The following ARHGAP6 variants were observed in gnomAD, a reference collection of about 807,000 sequenced individuals.
ARHGAP6 encodes the protein rho GTPase-activating protein 6.
In ARHGAP6, 16 loss-of-function variants were observed where a neutral mutation model predicts 55.7. The observed-to-expected ratio is 0.29, with a 90% confidence interval of 0.19 to 0.44. The LOEUF is 0.44. Among genes scored for constraint, ARHGAP6 ranks in the 20% least tolerant of loss-of-function variants. The pLI, the probability that ARHGAP6 is intolerant of heterozygous loss-of-function variation, is 1.00. For synonymous variants in ARHGAP6, 382 were observed against 360.9 expected, an observed-to-expected ratio of 1.06 and a Z score of -0.66; for missense variants, 698 against 808.9, an observed-to-expected ratio of 0.86 and a Z score of 1.66.
intron 8 of ARHGAP6, among the ~76,000 whole-genome samples, chrX:11,171,685 G>A (rs970650764): frequency 2.7e-5 from 3 of 111,778 alleles, no homozygotes; most frequent in Admixed American, 1.9e-4. Context: ...TCAGGTGAAC[G>A]GGAGAGTCTG....
intron 9 of ARHGAP6, among the ~76,000 whole-genome samples, chrX:11,162,496 T>A (rs781619271): frequency 9.0e-6 from 1 of 111,396 alleles, no homozygotes; most frequent in African/African-American, 3.3e-5. Flanking sequence ...AGGTCTTACC[T>A]GCACTTCTAT....
chrX:11,147,016 C>T (rs73496338), intron 10 of ARHGAP6, among the ~76,000 whole-genome samples: 1 of 111,431 alleles, frequency 9.0e-6, no homozygotes, highest in Admixed American at 9.5e-5. Context: ...TCAGAACTCT[C>T]ATAACAACAT....
chrX:11,346,072 A>T (rs1348553262), intron 1 of ARHGAP6, among the ~76,000 whole-genome samples: 2 of 110,550 alleles, frequency 1.8e-5, no homozygotes, highest in Admixed American at 1.9e-4. Context: ...AGTAGCTGGG[A>T]TTACAGGCGT....
At position 11,338,186 on chromosome X, in the gene ARHGAP6, G is replaced by A. The variant is rs150613414; in HGVS notation, c.589-83479C>T. 7.8e-4 allele frequency among the ~76,000 whole-genome samples: 87 copies of A among 111,153 alleles called. 1 individual carries two copies. The East Asian group carries it at 0.024, about 31-fold the overall frequency. ...CAAATGTCAACATGAGATTTGATGG[G>A]GACAAACAAACCATGTCCAAACCAC... On this transcript the variant is annotated intron_variant, in intron 1 of 12. Transcript: ENST00000337414.
At chrX:11,181,669 A>G (rs2147335229) in intron 6 of ARHGAP6, among the ~76,000 whole-genome samples, 1 of 112,821 alleles carries the variant, frequency 8.9e-6, no homozygotes, top group Non-Finnish European at 1.9e-5. Context: ...CTATAAACAT[A>G]GCATCTTATG....
intron 3 of ARHGAP6, among the ~76,000 whole-genome samples, chrX:11,196,194 T>G (rs1195930343): frequency 9.2e-6 from 1 of 108,807 alleles, no homozygotes; most frequent in Non-Finnish European, 1.9e-5. Context: ...TAATAGCCAC[T>G]GACTATTCCC....
intron 1 of ARHGAP6, among the ~76,000 whole-genome samples, chrX:11,479,800 T>C (rs912732986): frequency 9.0e-6 from 1 of 111,499 alleles, no homozygotes; most frequent in South Asian, 3.8e-4. Context: ...AATCTATATA[T>C]TAAATTTGGT....
chrX:11,296,218 G>A (rs180886848), intron 1 of ARHGAP6, among the ~76,000 whole-genome samples: 1 of 112,145 alleles, frequency 8.9e-6, no homozygotes, highest in Admixed American at 9.4e-5. Context: ...TTTGTTGTAT[G>A]GAAGTGTTGT....
At chrX:11,432,230 T>C (rs1035034383) in intron 1 of ARHGAP6, among the ~76,000 whole-genome samples, 2 of 112,777 alleles carry the variant, frequency 1.8e-5, no homozygotes, top group Non-Finnish European at 3.7e-5. Context: ...CTGACTTCTT[T>C]TGCTCAACAT....
chrX:11,200,768 G>A (rs939189042), intron 2 of ARHGAP6, among the ~76,000 whole-genome samples: 3 of 112,354 alleles, frequency 2.7e-5, no homozygotes, highest in Admixed American at 9.4e-5. Flanking sequence ...GAACTCTTGG[G>A]TTGGGTCTGA....
At chrX:11,605,731 G>A (rs768895607) in intron 1 of ARHGAP6, among the ~76,000 whole-genome samples, 1 of 111,529 alleles carries the variant, frequency 9.0e-6, no homozygotes, top group East Asian at 2.8e-4. Flanking sequence ...AAACTGATGT[G>A]ACAGAGGAAA....
chrX:11,352,633 C>T (rs934038210), intron 1 of ARHGAP6, among the ~76,000 whole-genome samples: 10 of 111,534 alleles, frequency 9.0e-5, no homozygotes, highest in African/African-American at 2.3e-4. Context: ...AGAGAGATTT[C>T]GGCACATCTG....
intron 1 of ARHGAP6, among the ~76,000 whole-genome samples, chrX:11,473,609 G>C (rs1476349739): frequency 9.0e-6 from 1 of 111,563 alleles, no homozygotes; most frequent in Non-Finnish European, 1.9e-5. Context: ...AAACTAGGAA[G>C]AGGCAAGGAA....
chrX:11,189,037 A>T, intron 3 of ARHGAP6, 53 bp from the exon 4 acceptor site: 1 of 1,155,795 alleles, frequency 8.7e-7, no homozygotes, highest in Non-Finnish European at 1.2e-6. Flanking sequence ...TCCAGTGAAC[A>T]CTCTCATTTA....
chrX:11,401,149 A>G (rs2049543493), intron 1 of ARHGAP6, among the ~76,000 whole-genome samples: 1 of 111,757 alleles, frequency 8.9e-6, no homozygotes. Context: ...TTTGTGTGAC[A>G]AAAGAGGAAA....
At chrX:11,567,545 C>G (rs1209852156) in intron 1 of ARHGAP6, among the ~76,000 whole-genome samples, 2 of 59,780 alleles carry the variant, frequency 3.3e-5, no homozygotes, top group African/African-American at 1.6e-4. Context: ...CAGAGGGAGA[C>G]TCCATCTCAA....
At chrX:11,429,946 A>G (rs1178887672) in intron 1 of ARHGAP6, among the ~76,000 whole-genome samples, 1 of 112,160 alleles carries the variant, frequency 8.9e-6, no homozygotes, top group East Asian at 2.8e-4. Context: ...GACAAGCCCC[A>G]GTTTAGGGAC....
At chrX:11,358,429 G>GTTTC (rs1569313348) in intron 1 of ARHGAP6, among the ~76,000 whole-genome samples, 12 of 85,470 alleles carry the variant, frequency 1.4e-4, no homozygotes, top group Non-Finnish European at 2.3e-4. Context: ...CGTTTTAACT[G>GTTTC]TATCTTTCTT....
intron 1 of ARHGAP6, 26 bp from the exon 2 acceptor site, chrX:11,254,733 A>G (rs888438192): frequency 1.8e-6 from 2 of 1,138,124 alleles, no homozygotes; most frequent in African/African-American, 1.8e-5. Context: ...AAAAAAAAAA[A>G]AAAAATCAAG....
Sources: allele counts gnomAD v4.1 joint callset (sites outside exome capture counted in the v4.1 genomes callset), GRCh38; gene constraint gnomAD v4.1.1; transcripts MANE v1.5; gene names NCBI Gene and HGNC (gene_info 2026-07-23, HGNC 2026-07-21).